Variants in MACROD2 observed in about 807,000 individuals in gnomAD.
The protein encoded by MACROD2 is mono-ADP ribosylhydrolase 2.
MACROD2 carries 36 observed loss-of-function variants against 70.4 expected under a neutral mutation model. The observed-to-expected ratio is 0.51, with a 90% CI of 0.39 to 0.68. The LOEUF (loss-of-function observed/expected upper bound fraction) is 0.68. Ranked by LOEUF, MACROD2 falls within the 30% of genes least tolerant of loss-of-function variation. The probability of loss-of-function intolerance (pLI) is 0.00; values close to 1 mark genes in which losing one functional copy is unlikely to be tolerated. For missense variants in MACROD2, 496 were observed against 538.4 expected (o/e 0.92, Z 0.78); for synonymous variants, 172 against 178.8 (o/e 0.96, Z 0.30).
chr20:14,641,312 GC>G (rs368013489), intron 4 of MACROD2, among the ~76,000 whole-genome samples: 10 of 152,162 alleles, frequency 6.6e-5, no homozygotes, highest in African/African-American at 2.2e-4. Context: ...CACCACATCT[GC>G]AGACTTCCTC....
chr20:14,069,532 T>C (rs925354144), intron 2 of MACROD2, among the ~76,000 whole-genome samples: 1 of 151,398 alleles, frequency 6.6e-6, no homozygotes, highest in African/African-American at 2.4e-5. Context: ...ATTTCTGCAG[T>C]AGAGAAATGT....
intron 10 of MACROD2, among the ~76,000 whole-genome samples, chr20:15,906,211 A>G (rs764085653): frequency 1.3e-5 from 2 of 152,242 alleles, no homozygotes; most frequent in Non-Finnish European, 2.9e-5. Flanking sequence ...TCATTCAGCC[A>G]CTTATGGTGT....
chr20:15,181,494 G>A (rs150916009), intron 5 of MACROD2, among the ~76,000 whole-genome samples: 7 of 152,220 alleles, frequency 4.6e-5, no homozygotes, highest in African/African-American at 1.7e-4. Flanking sequence ...CAGTGTGTTG[G>A]GGTTATATGT....
chr20:14,832,105 C>T (rs551818161), intron 5 of MACROD2, among the ~76,000 whole-genome samples: 14 of 139,916 alleles, frequency 1.0e-4, no homozygotes, highest in East Asian at 4.5e-4. Flanking sequence ...TGCAGTGGCA[C>T]GATCTCGGCT....
At chr20:15,186,889 T>G (rs1376403145) in intron 5 of MACROD2, among the ~76,000 whole-genome samples, 1 of 152,240 alleles carries the variant, frequency 6.6e-6, no homozygotes, top group African/African-American at 2.4e-5. Flanking sequence ...AAACTTCAAC[T>G]AAATTTTATT....
chr20:14,562,753 T>A (rs1051653440), intron 4 of MACROD2, among the ~76,000 whole-genome samples: 2 of 151,934 alleles, frequency 1.3e-5, no homozygotes, highest in African/African-American at 4.8e-5. Context: ...TTGCTGGGTC[T>A]CTTGGCTTCC....
At chr20:14,887,163 C>A (rs1050808763) in intron 5 of MACROD2, among the ~76,000 whole-genome samples, 3 of 152,054 alleles carry the variant, frequency 2.0e-5, no homozygotes, top group Admixed American at 2.0e-4. Flanking sequence ...TGTGTGTCTG[C>A]AAAGGCTTCA....
At chr20:14,223,979 G>A (rs1376786396) in intron 3 of MACROD2, among the ~76,000 whole-genome samples, 1 of 152,154 alleles carries the variant, frequency 6.6e-6, no homozygotes, top group African/African-American at 2.4e-5. Context: ...GTTTTAGTCC[G>A]AAGGTGATCC....
At chr20:15,972,194 G>A (rs542622926) in intron 13 of MACROD2, among the ~76,000 whole-genome samples, 1 of 151,648 alleles carries the variant, frequency 6.6e-6, no homozygotes, top group Non-Finnish European at 1.5e-5. Context: ...AGTGACTGAG[G>A]GGAAAAAAAA....
chr20:15,178,481 A>G (rs1355273277), intron 5 of MACROD2, among the ~76,000 whole-genome samples: 1 of 152,218 alleles, frequency 6.6e-6, no homozygotes, highest in African/African-American at 2.4e-5. Context: ...TTGCCTAGCT[A>G]GTTTGGCTCC....
intron 5 of MACROD2, among the ~76,000 whole-genome samples, chr20:15,121,305 A>G (rs2076028315): frequency 6.6e-6 from 1 of 152,052 alleles, no homozygotes; most frequent in South Asian, 2.1e-4. Context: ...TGAGGTCAGG[A>G]ATTCGAGACC....
intron 10 of MACROD2, among the ~76,000 whole-genome samples, chr20:15,921,896 G>A (rs543918508): frequency 6.6e-6 from 1 of 152,326 alleles, no homozygotes; most frequent in African/African-American, 2.4e-5. Flanking sequence ...TTAGTCCTGC[G>A]GGAGGACTCC....
At chr20:14,852,904 C>G (rs1243405970) in intron 5 of MACROD2, among the ~76,000 whole-genome samples, 1 of 152,130 alleles carries the variant, frequency 6.6e-6, no homozygotes, top group African/African-American at 2.4e-5. Context: ...GGCTCGGAGT[C>G]TACAGCATGT....
At chr20:15,783,271 T>C (rs1042604941) in intron 8 of MACROD2, among the ~76,000 whole-genome samples, 1 of 152,140 alleles carries the variant, frequency 6.6e-6, no homozygotes, top group Admixed American at 6.5e-5. Flanking sequence ...CTCTTGAGGA[T>C]TGTGTGCTGG....
intron 5 of MACROD2, among the ~76,000 whole-genome samples, chr20:14,868,183 T>G (rs949256738): frequency 6.8e-6 from 1 of 147,806 alleles, no homozygotes; most frequent in Non-Finnish European, 1.5e-5. Context: ...TTTTCTTTTT[T>G]CTTTCTTTCT....
chr20:14,788,197 T>C (rs1435087680), intron 5 of MACROD2, among the ~76,000 whole-genome samples: 2 of 151,990 alleles, frequency 1.3e-5, no homozygotes, highest in African/African-American at 4.8e-5. Context: ...AAGTGGGAGT[T>C]GGTAGATGGA....
chr20:14,076,917 A>G (rs1018697789), intron 2 of MACROD2, among the ~76,000 whole-genome samples: 21 of 152,330 alleles, frequency 1.4e-4, no homozygotes, highest in South Asian at 1.0e-3. Context: ...GTAAACATGC[A>G]CTAACATTGA....
chr20:14,787,814 C>T (rs1162972909), intron 5 of MACROD2, among the ~76,000 whole-genome samples: 1 of 152,070 alleles, frequency 6.6e-6, no homozygotes, highest in Admixed American at 6.5e-5. Flanking sequence ...CTTGTTCGGA[C>T]TATACCTTCC....
At chr20:14,501,441 A>G (rs898071400) in intron 4 of MACROD2, among the ~76,000 whole-genome samples, 8 of 151,888 alleles carry the variant, frequency 5.3e-5, no homozygotes, top group Non-Finnish European at 1.2e-4. Context: ...ACTAATATGT[A>G]TACTAGTGTT....
Sources: gnomAD v4.1 joint callset for allele counts (sites outside exome capture counted in the v4.1 genomes callset) on GRCh38, gnomAD v4.1.1 for gene constraint, MANE v1.5 for transcripts, NCBI Gene and HGNC (gene_info 2026-07-23, HGNC 2026-07-21) for gene names.